Variants in DAPK2 observed in about 807,000 individuals in gnomAD.
DAPK2 encodes death associated protein kinase 2.
DAPK2 carries 35 observed loss-of-function variants against 44.1 expected under a neutral mutation model. The ratio of observed to expected loss-of-function variants is 0.79; its 90% confidence interval spans 0.61 to 1.05. The LOEUF is 1.05. Ranked by LOEUF, DAPK2 falls within the 50% of genes least tolerant of loss-of-function variation. DAPK2 has a pLI of 0.00. For missense variants in DAPK2, 453 were observed against 483.2 expected (o/e 0.94, Z 0.59); for synonymous variants, 174 against 182.6 (o/e 0.95, Z 0.38).
exon 3 of DAPK2, chr15:63,971,471 A>G: frequency 6.2e-7 from 1 of 1,614,196 alleles, no homozygotes; most frequent in Non-Finnish European, 8.5e-7. Context: ...AGTTCACCCC[A>G]TCCAGGATCT....
intron 1 of DAPK2, among the ~76,000 whole-genome samples, chr15:64,017,869 G>A (rs1357888949): frequency 6.6e-6 from 1 of 152,148 alleles, no homozygotes; most frequent in Non-Finnish European, 1.5e-5. Flanking sequence ...AAGGAGGAGA[G>A]GACAAACACC....
At chr15:64,023,212 C>G (rs2079742388) in intron 1 of DAPK2, among the ~76,000 whole-genome samples, 1 of 152,188 alleles carries the variant, frequency 6.6e-6, no homozygotes, top group African/African-American at 2.4e-5. Context: ...GAACACAGAA[C>G]AGGCTCGCCC....
intron 8 of DAPK2, among the ~76,000 whole-genome samples, chr15:63,914,108 C>T (rs1289337191): frequency 2.0e-5 from 3 of 152,176 alleles, no homozygotes; most frequent in Non-Finnish European, 1.5e-5. Context: ...TACTCACTCC[C>T]ACTGATGAGG....
At chr15:63,933,296 T>G (rs374808722) in intron 4 of DAPK2, among the ~76,000 whole-genome samples, 5 of 152,218 alleles carry the variant, frequency 3.3e-5, no homozygotes, top group African/African-American at 1.2e-4. Context: ...CAGGCTGGAG[T>G]GCAATGATGT....
chr15:63,934,934 T>C (rs1354013081), intron 4 of DAPK2, among the ~76,000 whole-genome samples: 1 of 152,194 alleles, frequency 6.6e-6, no homozygotes, highest in African/African-American at 2.4e-5. Flanking sequence ...TATTACTTCT[T>C]GCTTTGAGGC....
intron 1 of DAPK2, among the ~76,000 whole-genome samples, chr15:64,027,219 T>A (rs999250031): frequency 1.3e-5 from 2 of 152,008 alleles, no homozygotes; most frequent in African/African-American, 4.8e-5. Flanking sequence ...CTGTCTCTAC[T>A]AAAAATACAA....
At chr15:63,924,623 A>C in intron 8 of DAPK2, 193 bp downstream of exon 9, 1 of 559,126 alleles carries the variant, frequency 1.8e-6, no homozygotes, top group Non-Finnish European at 3.2e-6. Flanking sequence ...ACACAAACTT[A>C]AAATAGCAAG....
chr15:64,014,566 G>C (rs907852302), intron 1 of DAPK2, among the ~76,000 whole-genome samples: 6 of 152,200 alleles, frequency 3.9e-5, no homozygotes, highest in Non-Finnish European at 7.3e-5. Context: ...CTGCAGGGGG[G>C]CTTACATCTA....
rs1377830153 is a variant in DAPK2 at position 63,939,741 on chromosome 15, T to C, written c.454-380A>G. 6.6e-6 allele frequency among the ~76,000 whole-genome samples: 1 copy of C among 152,202 alleles called. No homozygotes were observed. The highest frequency in any genetic ancestry group is 1.5e-5 in the Non-Finnish European group (1 of 68,034). ...CATTTCCTGTAAACAAACCCAGCAC[T>C]GCTGTGTGGGTGTGAAAGGGACGGG... On this transcript the variant is annotated intron_variant, in intron 3 of 10. Coordinates refer to ENST00000261891, the Ensembl canonical transcript of DAPK2. This position sits in a 1 kb window ranked among gnomAD's most constrained non-coding sequence, Gnocchi z 4.3.
In DAPK2 at chr15:63,980,351, G is replaced by T. The variant is rs759611190; in HGVS notation, c.314+3182C>A. Among the ~76,000 whole-genome samples, 4 of 152,142 alleles carry T rather than the reference G, an allele frequency of 2.6e-5. No individual in the cohort carries two copies. Among genetic ancestry groups the T allele is most frequent in the Non-Finnish European group, 5.9e-5 (4 of 68,034 alleles). On this transcript the variant is annotated intron_variant, in intron 2 of 10. Coordinates refer to ENST00000261891, the Ensembl canonical transcript of DAPK2. This position sits in a 1 kb window ranked among gnomAD's most constrained non-coding sequence, Gnocchi z 4.3. Reference sequence around the variant, plus strand: ...CAGGCAATTTCCCCAGCAATTAAAGGCATGCCAATTATAGTAAGAAAGTAT... The same window carrying T: ...CAGGCAATTTCCCCAGCAATTAAAGTCATGCCAATTATAGTAAGAAAGTAT...
intron 4 of DAPK2, among the ~76,000 whole-genome samples, chr15:63,933,312 C>T (rs2077029526): frequency 1.3e-5 from 2 of 152,116 alleles, no homozygotes; most frequent in Non-Finnish European, 2.9e-5. Context: ...GATGTGATCT[C>T]GGCTCATCGC....
At position 63,980,770 on chromosome 15, in the gene DAPK2, G is replaced by A. The variant is rs578082606; in HGVS notation, c.314+2763C>T. Reference sequence around the variant, plus strand: ...CGCATTGAAATTTAATTCCCAATGCGGCCGTATTAGGCAGTGGGACCTTTA... The same window carrying A: ...CGCATTGAAATTTAATTCCCAATGCAGCCGTATTAGGCAGTGGGACCTTTA... On this transcript the variant is annotated intron_variant, in intron 2 of 10. Coordinates refer to ENST00000261891, the Ensembl canonical transcript of DAPK2. This position sits in a 1 kb window ranked among gnomAD's most constrained non-coding sequence, Gnocchi z 4.3. 6.1e-5 allele frequency among the ~76,000 whole-genome samples: 9 copies of A among 148,400 alleles called. No homozygotes were observed. The South Asian group carries it at 6.5e-4, about 11-fold the overall frequency.
chr15:63,922,485 T>C, intron 8 of DAPK2: 2 of 1,276,316 alleles, frequency 1.6e-6, no homozygotes, highest in Non-Finnish European at 2.0e-6. Context: ...TGAGGGGTAC[T>C]CACTCTCTAA....
intron 6 of DAPK2, among the ~76,000 whole-genome samples, chr15:63,927,742 CA>C (rs1470769816): frequency 3.6e-5 from 2 of 56,304 alleles, no homozygotes; most frequent in African/African-American, 4.6e-5. Flanking sequence ...ACTGGGATTC[CA>C]TTTTTTTTTT....
At chr15:63,915,818 G>T (rs2078912481) in intron 8 of DAPK2, among the ~76,000 whole-genome samples, 1 of 152,220 alleles carries the variant, frequency 6.6e-6, no homozygotes, top group South Asian at 2.1e-4. Flanking sequence ...CTTCCTGGTT[G>T]TTAAGAGCCC....
Position 63,939,143 on chromosome 15 carries a change from G to A in DAPK2, c.583+89C>T. Reference sequence around the variant, plus strand: ...CCAATGCATCATCTCTTTGCTCAGAGGCCATAGCCCCAGACACAGGTTTCT... The same window carrying A: ...CCAATGCATCATCTCTTTGCTCAGAAGCCATAGCCCCAGACACAGGTTTCT... On this transcript the variant is annotated intron_variant, in intron 4 of 10. Coordinates refer to ENST00000261891, the Ensembl canonical transcript of DAPK2. The surrounding 1 kb of genome is among the most constrained non-coding windows in gnomAD (Gnocchi z 4.3). 9.6e-6 allele frequency: 15 copies of A among 1,566,094 alleles called. No homozygotes were observed. The highest frequency in any genetic ancestry group is 1.3e-5 in the Non-Finnish European group (15 of 1,158,390).
rs2079258156 is a variant in DAPK2 at position 63,926,187 on chromosome 15, GGGAGC to G, written c.660-99_660-95del. On this transcript the variant is annotated intron_variant, in intron 6 of 10. Coordinates refer to ENST00000261891, the Ensembl canonical transcript of DAPK2. ...GGAACCCTGCCCCATGACTGCTGCA[GGGAGC>G]TGGAAGGCTCCCAGCAACACAGCCT... is the stretch of plus-strand genomic sequence containing the variant. 20 of 1,444,936 alleles carry G rather than the reference GGGAGC, an allele frequency of 1.4e-5. No homozygotes were observed. In the East Asian group the frequency reaches 4.6e-4, roughly 33 times the overall value. The allele number at this position is 1,444,936 out of a possible 1,614,324, so 89.5% of individuals were successfully genotyped here.
At chr15:63,991,448 C>G in intron 1 of DAPK2, 1 of 407,318 alleles carries the variant, frequency 2.5e-6, no homozygotes, top group Non-Finnish European at 4.9e-6. Context: ...CCCTCCCTGA[C>G]CTTGTTGCTA....
chr15:63,991,271 A>G (rs1035531074), intron 1 of DAPK2: 3 of 456,250 alleles, frequency 6.6e-6, no homozygotes, highest in Admixed American at 4.7e-5. Context: ...TGGGCATGAC[A>G]GGAGTGAGAA....
Sources: gnomAD v4.1 joint callset for allele counts (sites outside exome capture counted in the v4.1 genomes callset) on GRCh38, gnomAD v4.1.1 for gene constraint, Gnocchi (gnomAD v3.1) non-coding constraint, MANE v1.5 for transcripts, NCBI Gene and HGNC (gene_info 2026-07-23, HGNC 2026-07-21) for gene names.